Variants in DEPDC1B observed in about 807,000 individuals in gnomAD.
DEPDC1B encodes the protein DEP domain-containing protein 1B.
In DEPDC1B, 51 loss-of-function variants were observed where a neutral mutation model predicts 66.5. The observed-to-expected ratio is 0.77, with a 90% CI of 0.61 to 0.97. The LOEUF (loss-of-function observed/expected upper bound fraction) is 0.97, where lower values mean the gene tolerates loss of function less well. Among genes scored for constraint, DEPDC1B ranks in the 50% least tolerant of loss-of-function variants. DEPDC1B has a pLI of 0.00. For synonymous variants in DEPDC1B, 226 were observed against 223.6 expected, an observed-to-expected ratio of 1.01 and a Z score of -0.10; for missense variants, 552 against 637.1, an observed-to-expected ratio of 0.87 and a Z score of 1.44.
chr5:60,682,786 A>C (rs1270435611), intron 2 of DEPDC1B, among the ~76,000 whole-genome samples: 3 of 152,194 alleles, frequency 2.0e-5, no homozygotes, highest in African/African-American at 7.2e-5. Context: ...AACAAGATTG[A>C]ATCACTAATA....
chr5:60,698,726 C>T (rs1023189775), intron 1 of DEPDC1B, among the ~76,000 whole-genome samples: 1 of 149,140 alleles, frequency 6.7e-6, no homozygotes, highest in Non-Finnish European at 1.5e-5. Flanking sequence ...AGTGCAATGG[C>T]GCGATCTCAG....
intron 7 of DEPDC1B, among the ~76,000 whole-genome samples, chr5:60,612,705 G>GAAA (rs1554050974): frequency 3.5e-5 from 3 of 85,368 alleles, no homozygotes; most frequent in Non-Finnish European, 5.0e-5. Context: ...AAATGGTTCA[G>GAAA]AAAAAAAAAA....
intron 1 of DEPDC1B, chr5:60,687,810 G>A: frequency 4.7e-6 from 1 of 213,378 alleles, no homozygotes; most frequent in Non-Finnish European, 9.7e-6. Context: ...ACAGGAGTGA[G>A]CCACTGCACC....
intron 2 of DEPDC1B, among the ~76,000 whole-genome samples, chr5:60,657,016 G>C (rs1016755875): frequency 1.3e-5 from 2 of 152,144 alleles, no homozygotes; most frequent in Non-Finnish European, 2.9e-5. Flanking sequence ...TTTTCTGTTG[G>C]AACAGTCCTT....
chr5:60,683,182 C>A (rs1465135154), intron 2 of DEPDC1B, among the ~76,000 whole-genome samples: 1 of 152,182 alleles, frequency 6.6e-6, no homozygotes, highest in Non-Finnish European at 1.5e-5. Flanking sequence ...ATAATCCCAG[C>A]ACTTTGGGAA....
chr5:60,603,431 G>A lies in DEPDC1B; in HGVS notation c.1202C>T (p.Thr401Ile). 4 of 1,611,278 alleles carry A rather than the reference G, an allele frequency of 2.5e-6. No homozygotes were observed. Among genetic ancestry groups the A allele is most frequent in the Non-Finnish European group, 3.4e-6 (4 of 1,178,892 alleles). ...ATGAGCCACACGCTCCTCTATAGAG[G>A]TCTGCAAGGCCAAAGGGACTTTCAG... ...EILKVPLALQ[T>I]SIEERVAHLR... is the part of the protein sequence containing the mutation. The change falls in exon 9 of 11, where the codon ACC becomes ATC. Residue 401 changes from threonine (T) to isoleucine (I), a missense_variant. By Grantham distance (89) the Thr-to-Ile change is moderately conservative (BLOSUM62 -1). Coordinates refer to ENST00000265036, the MANE Select transcript of DEPDC1B (RefSeq NM_018369.3).
chr5:60,697,220 G>A (rs1754676389), intron 1 of DEPDC1B, among the ~76,000 whole-genome samples: 1 of 152,090 alleles, frequency 6.6e-6, no homozygotes, highest in Non-Finnish European at 1.5e-5. Context: ...TTTGACTTTT[G>A]TCATAACATT....
intron 1 of DEPDC1B, among the ~76,000 whole-genome samples, chr5:60,688,292 T>C (rs576006597): frequency 6.4e-4 from 98 of 152,154 alleles, no homozygotes; most frequent in African/African-American, 2.3e-3. Flanking sequence ...CATGGTTCCT[T>C]TGAAAGGACC....
chr5:60,659,908 G>A (rs756567467), intron 2 of DEPDC1B, among the ~76,000 whole-genome samples: 1 of 152,064 alleles, frequency 6.6e-6, no homozygotes, highest in Non-Finnish European at 1.5e-5. Context: ...TCCAATTTAG[G>A]TATACAGCTC....
intron 1 of DEPDC1B, among the ~76,000 whole-genome samples, chr5:60,698,224 T>A (rs1422390625): frequency 6.6e-6 from 1 of 152,254 alleles, no homozygotes; most frequent in African/African-American, 2.4e-5. Flanking sequence ...GTATAGAGTG[T>A]TCGCAAAGAT....
chr5:60,641,468 G>A (rs1405942182), intron 6 of DEPDC1B, among the ~76,000 whole-genome samples: 1 of 151,586 alleles, frequency 6.6e-6, no homozygotes, highest in East Asian at 1.9e-4. Flanking sequence ...GGGACTACAG[G>A]CGCCCGCCAC....
chr5:60,672,382 C>T (rs1022602347), intron 2 of DEPDC1B, among the ~76,000 whole-genome samples: 3 of 152,106 alleles, frequency 2.0e-5, no homozygotes, highest in African/African-American at 4.8e-5. Context: ...GGGGAGGCCT[C>T]GGGAAACTTA....
intron 2 of DEPDC1B, among the ~76,000 whole-genome samples, chr5:60,649,060 C>T (rs1390653076): frequency 6.6e-6 from 1 of 152,152 alleles, no homozygotes. Context: ...TCCCTACTCC[C>T]ATCCCACCAC....
intron 5 of DEPDC1B, among the ~76,000 whole-genome samples, chr5:60,643,415 C>CA (rs1414003904): frequency 9.2e-5 from 14 of 152,100 alleles, no homozygotes; most frequent in South Asian, 6.3e-4. Flanking sequence ...AACATTGCTA[C>CA]AAAAAAAATC....
intron 7 of DEPDC1B, among the ~76,000 whole-genome samples, chr5:60,621,246 A>G (rs756246607): frequency 6.6e-5 from 10 of 151,944 alleles, no homozygotes; most frequent in Non-Finnish European, 1.5e-4. Context: ...TATGTAACAA[A>G]CCTGCATGTT....
chr5:60,616,342 C>T (rs1295266596), intron 7 of DEPDC1B, among the ~76,000 whole-genome samples: 1 of 152,068 alleles, frequency 6.6e-6, no homozygotes, highest in Non-Finnish European at 1.5e-5. Flanking sequence ...TCAAACTACT[C>T]TGAGGTAAAG....
In DEPDC1B at chr5:60,603,429, A is replaced by C. The variant is rs1400359849; in HGVS notation, c.1204T>G (p.Ser402Ala). The stretch of plus-strand genomic sequence containing the variant: ...AGATGAGCCACACGCTCCTCTATAG[A>C]GGTCTGCAAGGCCAAAGGGACTTTC... Reference protein sequence around the residue: ...ILKVPLALQTSIEERVAHLRR... With the variant: ...ILKVPLALQTAIEERVAHLRR... The change falls in exon 9 of 11, where the codon TCT (serine) becomes GCT (alanine). Residue 402 changes from serine (S) to alanine (A), a missense_variant. Physicochemically the swap from Ser to Ala is moderately conservative, Grantham distance 99. Transcript: ENST00000265036. The C allele has an allele frequency of 4.3e-6, 7 of 1,610,704 alleles. No individual in the cohort carries two copies. Among genetic ancestry groups the C allele is most frequent in the Non-Finnish European group, 5.1e-6 (6 of 1,178,720 alleles).
chr5:60,660,483 G>A (rs1025866806), intron 2 of DEPDC1B, among the ~76,000 whole-genome samples: 5 of 152,130 alleles, frequency 3.3e-5, no homozygotes, highest in East Asian at 1.9e-4. Context: ...AAACAAGAGC[G>A]TAGCCCAAAA....
intron 7 of DEPDC1B, among the ~76,000 whole-genome samples, chr5:60,616,360 T>C (rs1752554340): frequency 6.6e-6 from 1 of 151,650 alleles, no homozygotes; most frequent in East Asian, 1.9e-4. Context: ...AAGGAGGAAG[T>C]TCGAACCCAT....
Sources: allele counts gnomAD v4.1 joint callset (sites outside exome capture counted in the v4.1 genomes callset), GRCh38; gene constraint gnomAD v4.1.1; transcripts MANE v1.5; gene names NCBI Gene and HGNC (gene_info 2026-07-23, HGNC 2026-07-21).